Variants in DNAH8 observed in about 807,000 individuals in gnomAD.
The protein encoded by DNAH8 is axonemal beta dynein heavy chain 8.
Under a neutral mutation model 562.1 loss-of-function variants are expected in DNAH8, and 382 were observed. That is an observed-to-expected ratio of 0.68 (90% CI 0.63 to 0.74). DNAH8 has a LOEUF of 0.74. Ranked by LOEUF, DNAH8 falls within the 30% of genes least tolerant of loss-of-function variation. The probability of loss-of-function intolerance (pLI) is 0.00; values close to 1 mark genes in which losing one functional copy is unlikely to be tolerated. For missense variants in DNAH8, 5,203 were observed against 5,620.4 expected (o/e 0.93, Z 2.37); for synonymous variants, 1,881 against 1,919.4 (o/e 0.98, Z 0.52).
At chr6:38,925,535 C>T (rs747050954) in intron 73 of DNAH8, among the ~76,000 whole-genome samples, 2 of 151,796 alleles carry the variant, frequency 1.3e-5, no homozygotes, top group Non-Finnish European at 2.9e-5. Context: ...GCTGGCAATC[C>T]CCTCTAAATT....
At chr6:38,813,993 A>G (rs1289745904) in intron 24 of DNAH8, 61 bp from the exon 25 acceptor site, 15 of 1,204,786 alleles carry the variant, frequency 1.2e-5, no homozygotes, top group Non-Finnish European at 1.8e-5. Context: ...TTTGTAGCAT[A>G]ATAAACTAAC....
chr6:38,871,741 G>T (rs1457258375), intron 49 of DNAH8, among the ~76,000 whole-genome samples: 1 of 152,168 alleles, frequency 6.6e-6, no homozygotes, highest in African/African-American at 2.4e-5. Context: ...CCCAGCTTCT[G>T]TGTGTTTTCG....
At position 39,026,346 on chromosome 6, in the gene DNAH8, G is replaced by A. The variant is rs368577756; in HGVS notation, c.13715-200G>A. Reference sequence around the variant, plus strand: ...TACTGCTTTCCTGCTGTCAGCAGGCGAGAAAGATTTAGCTCATTGCAGGTC... The same window carrying A: ...TACTGCTTTCCTGCTGTCAGCAGGCAAGAAAGATTTAGCTCATTGCAGGTC... On this transcript the variant is annotated intron_variant, in intron 91 of 92. Transcript: ENST00000327475. Among the ~76,000 whole-genome samples, 250 of 152,314 alleles carry A rather than the reference G, an allele frequency of 1.6e-3. 1 individual carries two copies. Among genetic ancestry groups the A allele is most frequent in the African/African-American group, 5.6e-3 (233 of 41,574 alleles).
intron 8 of DNAH8, among the ~76,000 whole-genome samples, chr6:38,748,413 T>TCCCAACCTC (rs1765139374): frequency 6.6e-6 from 1 of 152,162 alleles, no homozygotes; most frequent in East Asian, 1.9e-4. Context: ...CATACTGATA[T>TCCCAACCTC]CCCAACCTCT....
intron 82 of DNAH8, among the ~76,000 whole-genome samples, chr6:38,952,726 C>G (rs1404368215): frequency 1.3e-5 from 2 of 152,168 alleles, no homozygotes; most frequent in Non-Finnish European, 2.9e-5. Flanking sequence ...TGTCACCACA[C>G]TGTTCTATAT....
At chr6:39,022,842 C>T (rs1029541121) in intron 91 of DNAH8, among the ~76,000 whole-genome samples, 15 of 152,158 alleles carry the variant, frequency 9.9e-5, no homozygotes, top group African/African-American at 3.6e-4. Context: ...ACTGTGGGCT[C>T]CAGAATCGGC....
intron 82 of DNAH8, among the ~76,000 whole-genome samples, chr6:38,965,580 A>G (rs2150676068): frequency 6.6e-6 from 1 of 152,380 alleles, no homozygotes; most frequent in South Asian, 2.1e-4. Context: ...GGAAAGGAAT[A>G]TAAAGGCAGT....
At chr6:38,780,598 C>A (rs1768486348) in intron 15 of DNAH8, among the ~76,000 whole-genome samples, 2 of 151,942 alleles carry the variant, frequency 1.3e-5, no homozygotes, top group Non-Finnish European at 2.9e-5. Flanking sequence ...GAACAGAAAA[C>A]CGAATACCAC....
intron 91 of DNAH8, among the ~76,000 whole-genome samples, chr6:39,018,800 T>C (rs961258742): frequency 2.0e-5 from 3 of 152,076 alleles, no homozygotes; most frequent in African/African-American, 7.2e-5. Flanking sequence ...AAGTAAGTAG[T>C]GGCAGGTGCT....
chr6:38,806,072 G>A (rs1771248630), intron 23 of DNAH8, among the ~76,000 whole-genome samples: 1 of 152,168 alleles, frequency 6.6e-6, no homozygotes, highest in Non-Finnish European at 1.5e-5. Context: ...TTTTCACATT[G>A]AGTTGAAATG....
intron 21 of DNAH8, among the ~76,000 whole-genome samples, chr6:38,799,616 T>C (rs1366914015): frequency 6.6e-6 from 1 of 152,220 alleles, no homozygotes; most frequent in Admixed American, 6.5e-5. Flanking sequence ...GAGATAAAAT[T>C]CACATACCCT....
intron 43 of DNAH8, among the ~76,000 whole-genome samples, chr6:38,861,303 A>T (rs1776603368): frequency 6.6e-6 from 1 of 152,194 alleles, no homozygotes; most frequent in Non-Finnish European, 1.5e-5. Context: ...CCATAGCAAC[A>T]TAAATTTGTC....
rs368747137 is a variant in DNAH8, at chr6:38,894,875, C to T, written c.8747+11C>T. ...AGTAATTGCAGACAGGTGCGTGTTG[C>T]GGCACTAGAGTTTAAATGTATGACC... On this transcript the variant is annotated intron_variant, in intron 59 of 92. Coordinates refer to ENST00000327475, the MANE Select transcript of DNAH8 (RefSeq NM_001206927.2). 8.9e-5 allele frequency: 143 copies of T among 1,609,462 alleles called. 5 individuals are homozygous for T. The highest frequency in any genetic ancestry group is 1.7e-4 in the Middle Eastern group (1 of 6,058).
At chr6:38,733,713 C>T (rs182968250) in intron 4 of DNAH8, among the ~76,000 whole-genome samples, 24 of 152,048 alleles carry the variant, frequency 1.6e-4, no homozygotes, top group Admixed American at 3.3e-4. Flanking sequence ...GAATTTGAGA[C>T]TAGCCTGGCC....
chr6:38,931,672 G>A lies in DNAH8; in HGVS notation c.11275-139G>A, dbSNP rs1469562586. On this transcript the variant is annotated intron_variant, in intron 75 of 92. Coordinates refer to ENST00000327475, the MANE Select transcript of DNAH8 (RefSeq NM_001206927.2). Reference sequence around the variant, plus strand: ...GAATAGGCTTTATTATTTAAGATCAGTGATTAAAATTTTGTAACTTTCCTT... The same window carrying A: ...GAATAGGCTTTATTATTTAAGATCAATGATTAAAATTTTGTAACTTTCCTT... 14 of 492,814 alleles carry A rather than the reference G, an allele frequency of 2.8e-5. No individual in the cohort carries two copies. In the South Asian group the frequency reaches 6.1e-4, roughly 21 times the overall value. 30.5% of individuals were successfully genotyped at this position (492,814 alleles called of 1,614,324 possible).
Position 38,737,923 on chromosome 6 carries a change from T to C in DNAH8, c.1067T>C (p.Val356Ala), listed in dbSNP as rs756876172. ...GCTGCAGCCAGCAACTCAGAAACTG[T>C]TCATCAGCTGGAGGAAGTGCTGATG... is the stretch of plus-strand genomic sequence containing the variant. Reference protein sequence around the residue: ...VTAAASNSETVHQLEEVLMVW... With the variant: ...VTAAASNSETAHQLEEVLMVW... Residue 356 changes from valine to alanine, a missense_variant, in exon 7 of 93, where the codon GTT (valine) becomes GCT (alanine). Around this residue, in one of 6 missense-constraint regions of DNAH8, gnomAD observed 556 missense variants for 496.9 expected, o/e 1.12. Coordinates refer to ENST00000327475, the MANE Select transcript of DNAH8 (RefSeq NM_001206927.2). 3.7e-6 allele frequency: 6 copies of C among 1,608,222 alleles called. No homozygotes were observed. Among genetic ancestry groups the C allele is most frequent in the Non-Finnish European group, 5.1e-6 (6 of 1,177,576 alleles).
chr6:38,814,847 C>T (rs1772100604), intron 25 of DNAH8, among the ~76,000 whole-genome samples: 3 of 152,138 alleles, frequency 2.0e-5, no homozygotes, highest in Non-Finnish European at 2.9e-5. Flanking sequence ...CTGAATCACC[C>T]GTGTCTTCCC....
chr6:38,758,881 A>T (rs1030709506), intron 10 of DNAH8, among the ~76,000 whole-genome samples: 1 of 152,274 alleles, frequency 6.6e-6, no homozygotes, highest in South Asian at 2.1e-4. Flanking sequence ...GATGAAGCCC[A>T]CTTGATCATG....
intron 62 of DNAH8, among the ~76,000 whole-genome samples, chr6:38,900,449 C>T (rs1384470679): frequency 6.6e-6 from 1 of 152,180 alleles, no homozygotes; most frequent in Non-Finnish European, 1.5e-5. Context: ...TCTGAGTACA[C>T]ATCTAGAGTT....
Sources: gnomAD v4.1 joint callset for allele counts (sites outside exome capture counted in the v4.1 genomes callset) on GRCh38, gnomAD v4.1.1 for gene constraint, gnomAD v4.1.1 regional missense constraint, MANE v1.5 for transcripts, NCBI Gene and HGNC (gene_info 2026-07-23, HGNC 2026-07-21) for gene names.